CPLANE1: variants seen among roughly 807,000 people sequenced by gnomAD.
CPLANE1 encodes the protein ciliogenesis and planar polarity effector 1.
In CPLANE1, 263 loss-of-function variants were observed where a neutral mutation model predicts 362.5. The ratio of observed to expected loss-of-function variants is 0.73; its 90% CI spans 0.66 to 0.80. The LOEUF (loss-of-function observed/expected upper bound fraction) is 0.80, where lower values mean the gene tolerates loss of function less well. CPLANE1 is among the 30% of genes least tolerant of loss of function. The pLI is 0.00. For missense variants in CPLANE1, 3,461 were observed against 3,793.4 expected (o/e 0.91, Z 2.30); for synonymous variants, 1,212 against 1,302.6 (o/e 0.93, Z 1.50).
intron 49 of CPLANE1, 128 bp downstream of exon 49, chr5:37,121,489 T>C: frequency 2.4e-6 from 2 of 832,922 alleles, no homozygotes; most frequent in South Asian, 3.7e-5. Context: ...GGCTACTTTT[T>C]TCCTTTATCA....
rs886060572 is a variant in CPLANE1 at position 37,108,298 on chromosome 5, G to C, written c.9574C>G (p.Leu3192Val). The stretch of plus-strand genomic sequence containing the variant: ...AAATCTAGAACAATGCTTACTTGTA[G>C]AAGGGAATTGTGACTCTCATGAAGA... ...KILHESHNSL[L>V]QDLSPTEEEE... Residue 3192 changes from leucine (L) to valine (V), a missense_variant, in exon 52 of 53, where the codon CTA (leucine) becomes GTA (valine). Coordinates refer to ENST00000651892, the MANE Select transcript of CPLANE1 (RefSeq NM_001384732.1). 7 of 1,613,318 alleles carry C rather than the reference G, an allele frequency of 4.3e-6. No individual in the cohort carries two copies. Among genetic ancestry groups the C allele is most frequent in the Admixed American group, 1.7e-5 (1 of 59,920 alleles).
At chr5:37,172,754 G>C (rs982958061) in intron 32 of CPLANE1, among the ~76,000 whole-genome samples, 10 of 152,224 alleles carry the variant, frequency 6.6e-5, no homozygotes, top group African/African-American at 2.4e-4. Context: ...GGGAGGCCAA[G>C]GCAGGCAGAT....
chr5:37,199,147 C>T (rs1206141906), intron 19 of CPLANE1, among the ~76,000 whole-genome samples: 2 of 148,682 alleles, frequency 1.3e-5, no homozygotes, highest in Admixed American at 1.3e-4. Context: ...CTCACTGCTT[C>T]TCAAACTAGG....
At chr5:37,147,515 T>C (rs1202247768) in intron 43 of CPLANE1, among the ~76,000 whole-genome samples, 1 of 151,990 alleles carries the variant, frequency 6.6e-6, no homozygotes, top group East Asian at 1.9e-4. Context: ...CAGCCTCAAT[T>C]ACACATATTA....
intron 18 of CPLANE1, among the ~76,000 whole-genome samples, chr5:37,202,834 T>C (rs1452754743): frequency 6.6e-6 from 1 of 152,040 alleles, no homozygotes; most frequent in African/African-American, 2.4e-5. Flanking sequence ...CAATTAAATA[T>C]ATGTTGTCTT....
intron 41 of CPLANE1, among the ~76,000 whole-genome samples, chr5:37,154,883 T>C (rs1372014534): frequency 6.6e-6 from 1 of 152,182 alleles, no homozygotes; most frequent in Non-Finnish European, 1.5e-5. Context: ...TCACTGCTTC[T>C]GCCCCTCCAA....
intron 50 of CPLANE1, 105 bp from the exon 51 acceptor site, chr5:37,115,154 T>C: frequency 2.5e-6 from 2 of 785,780 alleles, no homozygotes; most frequent in Non-Finnish European, 2.1e-6. Context: ...GCTTTGAATC[T>C]GCTCACCAAG....
intron 8 of CPLANE1, among the ~76,000 whole-genome samples, chr5:37,231,559 T>A (rs562530178): frequency 4.1e-4 from 63 of 152,040 alleles, no homozygotes; most frequent in African/African-American, 1.4e-3. Context: ...AGAGAAAAAA[T>A]ATATATATAT....
At position 37,106,918 on chromosome 5, in the gene CPLANE1, G is replaced by A. The variant is rs2149837678; in HGVS notation, c.*684C>T. ...AATACCAAAAACTAATCAGGTCTCT[G>A]TACCATGGTTCTTACAAATTTAAGA... On this transcript the variant is annotated 3_prime_UTR_variant, in exon 53 of 53. Coordinates refer to ENST00000651892, the MANE Select transcript of CPLANE1 (RefSeq NM_001384732.1). 3.0e-6 allele frequency: 3 copies of A among 985,250 alleles called. No homozygotes were observed. The Middle Eastern group carries it at 1.6e-3, about 515-fold the overall frequency. 61.0% of individuals were successfully genotyped at this position (985,250 alleles called of 1,614,324 possible). A position where few individuals can be genotyped will look rare whatever the true frequency, so the allele number is the denominator to read the frequency against.
intron 51 of CPLANE1, among the ~76,000 whole-genome samples, chr5:37,110,881 C>A (rs1759032971): frequency 6.8e-6 from 1 of 146,918 alleles, no homozygotes; most frequent in Non-Finnish European, 1.5e-5. Context: ...TATCTTGGCT[C>A]ACTACAACCT....
At chr5:37,179,312 C>G (rs374599319) in intron 29 of CPLANE1, 49 bp downstream of exon 29, 178 of 1,155,810 alleles carry the variant, frequency 1.5e-4, no homozygotes, top group Non-Finnish European at 2.1e-4. Flanking sequence ...AATTTAAACA[C>G]TATACAAAAT....
chr5:37,192,481 G>T (rs943996223), intron 21 of CPLANE1, among the ~76,000 whole-genome samples: 1 of 152,108 alleles, frequency 6.6e-6, no homozygotes, highest in Non-Finnish European at 1.5e-5. Flanking sequence ...TTAGGACGTA[G>T]CCCCATCATT....
intron 46 of CPLANE1, chr5:37,138,444 T>C (rs1296732200): frequency 1.5e-5 from 8 of 536,430 alleles, no homozygotes; most frequent in Non-Finnish European, 2.5e-5. Context: ...GGTAAAGTGC[T>C]ATGAGCTAAT....
chr5:37,134,035 G>A (rs1005627237), intron 46 of CPLANE1, among the ~76,000 whole-genome samples: 11 of 152,038 alleles, frequency 7.2e-5, no homozygotes, highest in Admixed American at 1.3e-4. Flanking sequence ...TGCTGTTTTC[G>A]GTTTGCTATA....
intron 50 of CPLANE1, among the ~76,000 whole-genome samples, chr5:37,115,759 GCTA>G (rs1200292266): frequency 6.6e-6 from 1 of 151,442 alleles, no homozygotes; most frequent in Non-Finnish European, 1.5e-5. Context: ...ACCATGCCTG[GCTA>G]CTTTTTTTTA....
chr5:37,116,469 G>C (rs1166213160), intron 50 of CPLANE1, among the ~76,000 whole-genome samples: 3 of 110,838 alleles, frequency 2.7e-5, no homozygotes, highest in Non-Finnish European at 5.0e-5. Flanking sequence ...CTGGGTGACA[G>C]AGCAAGACTC....
chr5:37,188,356 A>T (rs1784581600), intron 21 of CPLANE1, among the ~76,000 whole-genome samples: 1 of 152,238 alleles, frequency 6.6e-6, no homozygotes, highest in African/African-American at 2.4e-5. Context: ...TATTATAGTT[A>T]ACATGTGACC....
Position 37,153,930 on chromosome 5 carries a change from T to A in CPLANE1, c.8183A>T (p.Tyr2728Phe), listed in dbSNP as rs1316822863. 2 of 1,614,128 alleles carry A rather than the reference T, an allele frequency of 1.2e-6. No individual in the cohort carries two copies. Among genetic ancestry groups the A allele is most frequent in the East Asian group, 2.2e-5 (1 of 44,890 alleles). The change falls in exon 42 of 53, where the codon TAT becomes TTT. Residue 2728 changes from tyrosine (Y) to phenylalanine (F), a missense_variant. Physicochemically the swap from Tyr to Phe is conservative, Grantham distance 22 (BLOSUM62 3). Coordinates refer to ENST00000651892, the MANE Select transcript of CPLANE1 (RefSeq NM_001384732.1). Reference sequence around the variant, plus strand: ...ACCTTGCAGCCGTTTCCACAATAGATAATCTTCTGCAGAGTCTGACTTTGT... The same window carrying A: ...ACCTTGCAGCCGTTTCCACAATAGAAAATCTTCTGCAGAGTCTGACTTTGT... ...QSTKSDSAED[Y>F]LLWKRLQGVS...
intron 46 of CPLANE1, among the ~76,000 whole-genome samples, chr5:37,136,373 G>C (rs748745527): frequency 1.1e-4 from 17 of 152,232 alleles, no homozygotes; most frequent in Admixed American, 6.5e-5. Flanking sequence ...GATGCAAGAG[G>C]TGGGTTCCCA....
Sources: gnomAD v4.1 joint callset for allele counts (sites outside exome capture counted in the v4.1 genomes callset) on GRCh38, gnomAD v4.1.1 for gene constraint, MANE v1.5 for transcripts, NCBI Gene and HGNC (gene_info 2026-07-23, HGNC 2026-07-21) for gene names.